Variants in UBE3C observed in about 807,000 individuals in gnomAD.
UBE3C encodes the protein ubiquitin-protein ligase E3C.
In UBE3C, 42 loss-of-function variants were observed where a neutral mutation model predicts 129.4. The observed-to-expected ratio is 0.32, with a 90% CI of 0.25 to 0.42. The LOEUF is 0.42. UBE3C is among the 10% of genes least tolerant of loss of function. The pLI, the probability that UBE3C is intolerant of heterozygous loss-of-function variation, is 1.00. For synonymous variants in UBE3C, 510 were observed against 492.4 expected, an observed-to-expected ratio of 1.04 and a Z score of -0.47; for missense variants, 1,049 against 1,319.1, an observed-to-expected ratio of 0.80 and a Z score of 3.17.
In UBE3C at chr7:157,186,989, G is replaced by A; in HGVS notation, c.1299G>A (p.Met433Ile). The stretch of plus-strand genomic sequence containing the variant: ...TGGCCTCCGTCTGCCACACGCTGAT[G>A]GTGCAGCACCGCATGATGGTACCCA... ...TTMASVCHTLMVQHRMMVPKV... is the reference protein window; with the variant it reads ...TTMASVCHTLIVQHRMMVPKV... The change falls in exon 10 of 23, where the codon ATG becomes ATA. Residue 433 changes from methionine to isoleucine, a missense_variant. This residue lies in a region of UBE3C where 314 missense variants were observed against 416.9 expected (regional missense o/e 0.75). Transcript: ENST00000348165. 1 of 1,610,442 alleles carries A rather than the reference G, an allele frequency of 6.2e-7. No homozygotes were observed. Among genetic ancestry groups the A allele is most frequent in the Non-Finnish European group, 8.5e-7 (1 of 1,178,304 alleles).
intron 17 of UBE3C, among the ~76,000 whole-genome samples, chr7:157,226,767 A>G (rs1458038229): frequency 6.9e-6 from 1 of 145,782 alleles, no homozygotes; most frequent in African/African-American, 2.6e-5. Flanking sequence ...AATCCTTGCC[A>G]TGGCCCTCTG....
chr7:157,177,544 G>A (rs1306248299), intron 5 of UBE3C, among the ~76,000 whole-genome samples: 1 of 152,184 alleles, frequency 6.6e-6, no homozygotes, highest in Non-Finnish European at 1.5e-5. Context: ...CCCACCGCCC[G>A]CCGCTGCCCT....
chr7:157,163,664 A>G (rs1808136226), intron 1 of UBE3C, 146 bp from the exon 2 acceptor site: 2 of 741,668 alleles, frequency 2.7e-6, no homozygotes, highest in South Asian at 1.8e-5. Context: ...CTTGTGCCTC[A>G]GATTCTCTCA....
chr7:157,226,425 C>T (rs1212291563), intron 17 of UBE3C, among the ~76,000 whole-genome samples: 1 of 152,134 alleles, frequency 6.6e-6, no homozygotes, highest in Non-Finnish European at 1.5e-5. Context: ...AAATATTGTG[C>T]TTATGGTAAT....
Position 157,141,493 on chromosome 7 carries a change from C to G in UBE3C, c.66+2155C>G, listed in dbSNP as rs956377103. On this transcript the variant is annotated intron_variant, in intron 1 of 22. Transcript: ENST00000348165. ...GCACACCTAGCTGCTTGGTACAGCC[C>G]GTTGCCCCTATGCTACACACCTGGA... Among the ~76,000 whole-genome samples, 5 of 152,132 alleles carry G rather than the reference C, an allele frequency of 3.3e-5. No homozygotes were observed. The South Asian group carries it at 1.0e-3, about 32-fold the overall frequency.
intron 10 of UBE3C, among the ~76,000 whole-genome samples, chr7:157,192,999 C>A (rs998408329): frequency 6.6e-5 from 10 of 152,010 alleles, no homozygotes; most frequent in African/African-American, 2.4e-5. Context: ...TAAAGAAAAT[C>A]AGTTGCCAGT....
At chr7:157,184,154 C>G in intron 9 of UBE3C, 125 bp downstream of exon 9, 2 of 1,210,522 alleles carry the variant, frequency 1.7e-6, no homozygotes, top group South Asian at 3.1e-5. Context: ...TGCAGAGAAG[C>G]CCCGTCAGCC....
intron 18 of UBE3C, among the ~76,000 whole-genome samples, chr7:157,237,895 A>AG (rs1554436068): frequency 2.0e-5 from 3 of 151,262 alleles, no homozygotes; most frequent in South Asian, 2.1e-4. Context: ...ACTAAAAAAA[A>AG]AAAAAAAGTA....
chr7:157,251,975 A>G (rs1366585363), intron 19 of UBE3C, among the ~76,000 whole-genome samples: 1 of 152,120 alleles, frequency 6.6e-6, no homozygotes, highest in Non-Finnish European at 1.5e-5. Flanking sequence ...CTCTACTAAA[A>G]ATACAAAAAA....
At chr7:157,235,621 TTG>T (rs1796133727) in intron 18 of UBE3C, among the ~76,000 whole-genome samples, 1 of 152,256 alleles carries the variant, frequency 6.6e-6, no homozygotes, top group Non-Finnish European at 1.5e-5. Context: ...GGAAGAGAAT[TTG>T]TGATTTTAAA....
chr7:157,256,693 A>G, intron 21 of UBE3C: 1 of 504,142 alleles, frequency 2.0e-6, no homozygotes, highest in Non-Finnish European at 3.5e-6. Context: ...TGTCACAGCC[A>G]TTTACACAGC....
intron 1 of UBE3C, among the ~76,000 whole-genome samples, chr7:157,160,169 G>C (rs1339860456): frequency 6.6e-6 from 1 of 151,730 alleles, no homozygotes; most frequent in Non-Finnish European, 1.5e-5. Context: ...CTGCCTCCCA[G>C]GTTCAAGTGA....
intron 18 of UBE3C, among the ~76,000 whole-genome samples, chr7:157,234,634 C>T (rs938212129): frequency 4.6e-5 from 7 of 152,168 alleles, no homozygotes; most frequent in African/African-American, 1.4e-4. Context: ...TTTGTTCAGA[C>T]TCCCAGTGAT....
chr7:157,220,906 T>C, intron 15 of UBE3C, 130 bp downstream of exon 15: 1 of 1,120,002 alleles, frequency 8.9e-7, no homozygotes, highest in Non-Finnish European at 1.2e-6. Context: ...AGCTACCATG[T>C]AGAAAAGTTT....
intron 18 of UBE3C, among the ~76,000 whole-genome samples, chr7:157,235,961 A>G (rs147664303): frequency 6.6e-6 from 1 of 152,322 alleles, no homozygotes; most frequent in Non-Finnish European, 1.5e-5. Context: ...AAAACTGTAT[A>G]TTGATTGATT....
intron 22 of UBE3C, among the ~76,000 whole-genome samples, chr7:157,265,416 G>T (rs1186890902): frequency 6.6e-6 from 1 of 152,198 alleles, no homozygotes; most frequent in Admixed American, 6.5e-5. Context: ...GGTTCTTCGT[G>T]GCCATCAGAG....
At chr7:157,198,505 C>T in intron 10 of UBE3C, 1 of 380,410 alleles carries the variant, frequency 2.6e-6, no homozygotes, top group Non-Finnish European at 4.8e-6. Flanking sequence ...CCGCCGCCCT[C>T]CGCCATCTTC....
chr7:157,150,883 G>C (rs2116813250), intron 1 of UBE3C, among the ~76,000 whole-genome samples: 1 of 152,312 alleles, frequency 6.6e-6, no homozygotes, highest in South Asian at 2.1e-4. Context: ...CAGTTCTGTG[G>C]GGCAGGCATC....
At chr7:157,250,778 C>T (rs939612393) in intron 19 of UBE3C, among the ~76,000 whole-genome samples, 2 of 152,150 alleles carry the variant, frequency 1.3e-5, no homozygotes, top group African/African-American at 4.8e-5. Flanking sequence ...CCAGTGATGT[C>T]GCTTGCTGCT....
Sources: allele counts gnomAD v4.1 joint callset (sites outside exome capture counted in the v4.1 genomes callset), GRCh38; gene constraint gnomAD v4.1.1; regional missense constraint gnomAD v4.1.1; transcripts MANE v1.5; gene names NCBI Gene and HGNC (gene_info 2026-07-23, HGNC 2026-07-21).